PRH1: variants seen among roughly 807,000 people sequenced by gnomAD.
PRH1 encodes the protein salivary acidic proline-rich phosphoprotein 1/2.
A neutral mutation model predicts 7.9 loss-of-function variants in PRH1; 7 were observed. The ratio of observed to expected loss-of-function variants is 0.89; its 90% CI spans 0.50 to 1.67. The LOEUF (loss-of-function observed/expected upper bound fraction) is 1.67, where lower values mean the gene tolerates loss of function less well. PRH1 is among the 40% of genes most tolerant of loss of function. The pLI is 0.00. For missense variants in PRH1, 109 were observed against 223.6 expected, an observed-to-expected ratio of 0.49 and a Z score of 3.27; for synonymous variants, 45 against 80.8, an observed-to-expected ratio of 0.56 and a Z score of 2.38.
At chr12:11,170,638 C>G (rs1047039978) in intron 1 of PRH1, among the ~76,000 whole-genome samples, 8 of 152,308 alleles carry the variant, frequency 5.3e-5, no homozygotes, top group African/African-American at 1.9e-4. Context: ...CATCTCCATG[C>G]AGAAATGGCT....
intron 1 of PRH1, among the ~76,000 whole-genome samples, chr12:11,016,547 C>T (rs983549307): frequency 1.3e-5 from 2 of 151,332 alleles, no homozygotes; most frequent in African/African-American, 4.9e-5. Flanking sequence ...CACTGTGTAG[C>T]CCAAGGTGGT....
At chr12:11,013,883 T>C (rs796259317) in intron 1 of PRH1, among the ~76,000 whole-genome samples, 1 of 100,878 alleles carries the variant, frequency 9.9e-6, no homozygotes, top group African/African-American at 2.8e-5. Context: ...TGGACACCAC[T>C]ATACCTGGCT....
chr12:11,073,002 CT>C (rs1944142809), intron 1 of PRH1, among the ~76,000 whole-genome samples: 1 of 151,294 alleles, frequency 6.6e-6, no homozygotes, highest in Non-Finnish European at 1.5e-5. Flanking sequence ...TAGTAAAATA[CT>C]TGAACGTTAA....
intron 1 of PRH1, chr12:11,158,791 T>C (rs1467517341): frequency 6.6e-6 from 1 of 152,144 alleles, no homozygotes; most frequent in Non-Finnish European, 1.5e-5. Context: ...AAGTTAAAGG[T>C]TTTGCTTTTT....
intron 2 of PRH1, among the ~76,000 whole-genome samples, chr12:10,936,844 A>T (rs373847548): frequency 6.6e-6 from 1 of 152,238 alleles, no homozygotes; most frequent in East Asian, 1.9e-4. Context: ...TGTGGGCTTC[A>T]ACACATGGAT....
At chr12:11,022,090 T>A (rs373764737) in intron 1 of PRH1, 11 of 1,613,866 alleles carry the variant, frequency 6.8e-6, no homozygotes, top group Admixed American at 1.7e-5. Context: ...CCAAGTCACA[T>A]TTCCTTCATA....
rs1464454409 is a variant in PRH1 at position 11,093,598 on chromosome 12, A to G, written n.124-46410T>C. Among the ~76,000 whole-genome samples the G allele has an allele frequency of 1.7e-5, 2 of 115,610 alleles. 1 individual carries two copies. Among genetic ancestry groups the G allele is most frequent in the African/African-American group, 5.8e-5 (2 of 34,496 alleles). The allele number at this position is 115,610 out of a possible 152,430, so 75.8% of individuals were successfully genotyped here. A position where few individuals can be genotyped will look rare whatever the true frequency, so the allele number is the denominator to read the frequency against. ...TCTCAAGTCTAATGTTTAAATATTT[A>G]TTATTATACAAAATATTTAGCAATT... On this transcript the variant is annotated intron_variant and non_coding_transcript_variant, in intron 1 of 4. Coordinates refer to the PRH1 transcript ENST00000541977.
chr12:11,097,457 A>C lies in PRH1; in HGVS notation n.124-50269T>G, dbSNP rs1430176262. Among the ~76,000 whole-genome samples the C allele has an allele frequency of 2.6e-5, 3 of 114,884 alleles. 1 individual carries two copies. The highest frequency in any genetic ancestry group is 6.2e-5 in the Non-Finnish European group (3 of 48,370). The allele number at this position is 114,884 out of a possible 152,430, so 75.4% of individuals were successfully genotyped here. A position where few individuals can be genotyped will look rare whatever the true frequency, so the allele number is the denominator to read the frequency against. ...GTTATTTGCTGTATCTTTCTTATTAAGGAATTTTATTTACACGAAAATTAA... is the reference window on the plus strand; with the variant it reads ...GTTATTTGCTGTATCTTTCTTATTACGGAATTTTATTTACACGAAAATTAA... On this transcript the variant is annotated intron_variant and non_coding_transcript_variant, in intron 1 of 4. Transcript: ENST00000541977.
intron 1 of PRH1, among the ~76,000 whole-genome samples, chr12:11,123,492 C>T (rs1945987176): frequency 6.6e-6 from 1 of 152,108 alleles, no homozygotes; most frequent in Non-Finnish European, 1.5e-5. Context: ...TACAATTAAT[C>T]CAACAAGACA....
intron 2 of PRH1, among the ~76,000 whole-genome samples, chr12:10,916,678 A>G (rs1396482161): frequency 6.6e-6 from 1 of 152,086 alleles, no homozygotes; most frequent in African/African-American, 2.4e-5. Flanking sequence ...CAAGCAAACT[A>G]TCATTCTCCC....
At chr12:11,160,477 G>A (rs1014866965) in intron 1 of PRH1, among the ~76,000 whole-genome samples, 27 of 123,460 alleles carry the variant, frequency 2.2e-4, no homozygotes, top group Non-Finnish European at 4.7e-4. Flanking sequence ...TTGTTTGTTT[G>A]TTTGTTTTTT....
At chr12:10,997,455 C>T (rs79420812) in intron 1 of PRH1, 296,098 of 1,613,080 alleles carry the variant, frequency 0.18, 28,767 homozygotes, top group Middle Eastern at 0.3. Context: ...AGGTGACAAA[C>T]CAAAAAGAAC....
At position 10,881,458 on chromosome 12, in the gene PRH1, G is replaced by A. The variant is rs1461877117; in HGVS notation, c.*19-402C>T. Among the ~76,000 whole-genome samples, 3 of 152,108 alleles carry A rather than the reference G, an allele frequency of 2.0e-5. No homozygotes were observed. The East Asian group carries it at 5.8e-4, about 29-fold the overall frequency. On this transcript the variant is annotated intron_variant, in intron 3 of 3. Coordinates refer to ENST00000543626, the MANE Select transcript of PRH1 (RefSeq NM_001393989.1). ...CCAAACAATAGAATAGTATACAATT[G>A]TAAAAACAAACTAACCAATAAACAC...
At chr12:11,039,589 C>T (rs1331852641) in intron 1 of PRH1, among the ~76,000 whole-genome samples, 3 of 152,218 alleles carry the variant, frequency 2.0e-5, no homozygotes, top group Admixed American at 6.5e-5. Flanking sequence ...ACACAGATGA[C>T]ACATTGGTTT....
intron 1 of PRH1, among the ~76,000 whole-genome samples, chr12:11,041,307 A>AAAAAAAAAAAAAAAAAAAAAAAC (rs1565584500): frequency 1.0e-5 from 1 of 97,204 alleles, no homozygotes. Flanking sequence ...AAAAAAAAAA[A>AAAAAAAAAAAAAAAAAAAAAAAC]AAAACAAAAA....
At chr12:10,999,109 C>G (rs1008169880) in intron 1 of PRH1, among the ~76,000 whole-genome samples, 2 of 151,990 alleles carry the variant, frequency 1.3e-5, no homozygotes, top group Non-Finnish European at 1.5e-5. Flanking sequence ...CTTAAGAAAA[C>G]AGAATCCAAA....
intron 1 of PRH1, among the ~76,000 whole-genome samples, chr12:11,028,287 TCC>T (rs1022521431): frequency 6.6e-6 from 1 of 152,200 alleles, no homozygotes; most frequent in Non-Finnish European, 1.5e-5. Flanking sequence ...ACATTCTCCC[TCC>T]TCTCTCTCTT....
At chr12:11,075,138 C>A (rs200019497) in intron 1 of PRH1, among the ~76,000 whole-genome samples, 38,477 of 91,236 alleles carry the variant, frequency 0.42, 5,742 homozygotes, top group Non-Finnish European at 0.52. Flanking sequence ...CATTCAGTTG[C>A]ATCACTTTTC....
At chr12:11,167,361 G>A (rs985670536) in intron 1 of PRH1, among the ~76,000 whole-genome samples, 13 of 151,600 alleles carry the variant, frequency 8.6e-5, no homozygotes, top group Middle Eastern at 3.5e-3. Context: ...CCATTTTCTT[G>A]TTACCTACTG....
Sources: gnomAD v4.1 joint callset for allele counts (sites outside exome capture counted in the v4.1 genomes callset) on GRCh38, gnomAD v4.1.1 for gene constraint, MANE v1.5 for transcripts, NCBI Gene and HGNC (gene_info 2026-07-23, HGNC 2026-07-21) for gene names.